The following DSCAM variants were observed in gnomAD, a reference collection of about 807,000 sequenced individuals.
The protein encoded by DSCAM is cell adhesion molecule DSCAM.
Under a neutral mutation model 217.7 loss-of-function variants are expected in DSCAM, and 47 were observed. That is an observed-to-expected ratio of 0.22 (90% confidence interval 0.17 to 0.28). The LOEUF is 0.28. Among genes scored for constraint, DSCAM ranks in the 10% least tolerant of loss-of-function variants. The pLI is 1.00. For missense variants in DSCAM, 2,080 were observed against 2,618.3 expected, an observed-to-expected ratio of 0.79 and a Z score of 4.49; for synonymous variants, 1,056 against 1,015.3, an observed-to-expected ratio of 1.04 and a Z score of -0.76.
intron 3 of DSCAM, among the ~76,000 whole-genome samples, chr21:40,684,136 A>G (rs975484469): frequency 4.6e-5 from 7 of 151,784 alleles, no homozygotes; most frequent in Admixed American, 3.3e-4. Context: ...AGGCAGGAGA[A>G]TCACTTGAAC....
intron 3 of DSCAM, among the ~76,000 whole-genome samples, chr21:40,450,834 T>C (rs1046685093): frequency 6.6e-6 from 1 of 152,226 alleles, no homozygotes. Flanking sequence ...GGAACGCATA[T>C]GTAAAATTTC....
At chr21:40,820,702 T>G (rs2091917792) in intron 1 of DSCAM, among the ~76,000 whole-genome samples, 1 of 152,150 alleles carries the variant, frequency 6.6e-6, no homozygotes, top group African/African-American at 2.4e-5. Context: ...CATAGCCATG[T>G]AAAAATTCAA....
At chr21:40,723,068 T>G (rs987905789) in intron 1 of DSCAM, among the ~76,000 whole-genome samples, 1 of 149,972 alleles carries the variant, frequency 6.7e-6, no homozygotes, top group African/African-American at 2.5e-5. Context: ...AAAGGAGAAC[T>G]GAGAGCTGGG....
At chr21:40,061,991 C>T (rs184567189) in intron 28 of DSCAM, among the ~76,000 whole-genome samples, 1 of 152,288 alleles carries the variant, frequency 6.6e-6, no homozygotes, top group Non-Finnish European at 1.5e-5. Context: ...ATATGAAAGG[C>T]CTAAAATGCA....
At chr21:40,213,725 C>T (rs1385910205) in intron 11 of DSCAM, among the ~76,000 whole-genome samples, 2 of 152,076 alleles carry the variant, frequency 1.3e-5, no homozygotes. Flanking sequence ...GGTTCCTTCT[C>T]CATGAAAATA....
chr21:40,472,758 T>G (rs2145971095), intron 3 of DSCAM, among the ~76,000 whole-genome samples: 1 of 151,978 alleles, frequency 6.6e-6, no homozygotes, highest in South Asian at 2.1e-4. Flanking sequence ...GACCTCATAC[T>G]CATTTCTCAG....
intron 27 of DSCAM, among the ~76,000 whole-genome samples, chr21:40,068,409 G>A (rs2089242200): frequency 6.6e-6 from 1 of 152,094 alleles, no homozygotes; most frequent in African/African-American, 2.4e-5. Flanking sequence ...ATGCAAGCTA[G>A]AAGGAATATG....
chr21:40,418,624 T>C, intron 3 of DSCAM, among the ~76,000 whole-genome samples: 1 of 152,162 alleles, frequency 6.6e-6, no homozygotes, highest in African/African-American at 2.4e-5. Flanking sequence ...AATTAGTGTT[T>C]TAGAAAACAT....
At chr21:40,467,259 C>A (rs1161049913) in intron 3 of DSCAM, among the ~76,000 whole-genome samples, 1 of 152,208 alleles carries the variant, frequency 6.6e-6, no homozygotes, top group Non-Finnish European at 1.5e-5. Flanking sequence ...AATTCCAGCA[C>A]ATTAACTTCT....
chr21:40,750,168 T>A (rs1397148352), intron 1 of DSCAM, among the ~76,000 whole-genome samples: 2 of 152,062 alleles, frequency 1.3e-5, no homozygotes, highest in East Asian at 3.9e-4. Context: ...CCTGAGGTGA[T>A]CCACCCATCT....
chr21:40,282,451 C>A (rs543612926), intron 10 of DSCAM, among the ~76,000 whole-genome samples: 5 of 151,214 alleles, frequency 3.3e-5, no homozygotes, highest in African/African-American at 1.2e-4. Context: ...ATTAGCCGGG[C>A]GTGGTAGCGG....
At chr21:40,098,044 A>G (rs1005588723) in intron 20 of DSCAM, among the ~76,000 whole-genome samples, 1 of 151,338 alleles carries the variant, frequency 6.6e-6, no homozygotes, top group Non-Finnish European at 1.5e-5. Context: ...AAACACAAAT[A>G]GGTTAAAAAT....
chr21:40,037,138 TCAA>T (rs1267775253), intron 32 of DSCAM, among the ~76,000 whole-genome samples: 1 of 149,640 alleles, frequency 6.7e-6, no homozygotes, highest in Non-Finnish European at 1.5e-5. Flanking sequence ...CCACTCCTAT[TCAA>T]CATAGTGTTG....
intron 3 of DSCAM, among the ~76,000 whole-genome samples, chr21:40,610,025 T>C (rs1474833573): frequency 2.0e-5 from 3 of 152,242 alleles, no homozygotes; most frequent in Non-Finnish European, 4.4e-5. Flanking sequence ...GACTATTTCT[T>C]AGGTTCACAG....
chr21:40,455,716 C>T (rs112265832), intron 3 of DSCAM, among the ~76,000 whole-genome samples: 3,315 of 151,942 alleles, frequency 0.022, 114 homozygotes, highest in African/African-American at 0.071. Context: ...TTGCAGTGAG[C>T]TGAAATCACC....
chr21:40,502,431 T>C (rs2076176852), intron 3 of DSCAM, among the ~76,000 whole-genome samples: 1 of 152,220 alleles, frequency 6.6e-6, no homozygotes, highest in Non-Finnish European at 1.5e-5. Context: ...AGGTATTATC[T>C]ATAGTTCTGT....
intron 11 of DSCAM, among the ~76,000 whole-genome samples, chr21:40,265,226 C>G: frequency 6.7e-6 from 1 of 148,488 alleles, no homozygotes; most frequent in Non-Finnish European, 1.5e-5. Context: ...AGAACTCAAC[C>G]CCTTTAATAG....
chr21:40,025,785 G>T (rs1388346734), intron 32 of DSCAM, among the ~76,000 whole-genome samples: 4 of 150,666 alleles, frequency 2.7e-5, no homozygotes, highest in African/African-American at 9.8e-5. Context: ...AGTCTTGCTA[G>T]CAGTCTATCT....
intron 3 of DSCAM, among the ~76,000 whole-genome samples, chr21:40,541,405 G>A (rs959459333): frequency 3.3e-5 from 5 of 152,060 alleles, no homozygotes; most frequent in South Asian, 2.1e-4. Flanking sequence ...TGAAACACAC[G>A]AGAATAAACA....
Sources: gnomAD v4.1 joint callset for allele counts (sites outside exome capture counted in the v4.1 genomes callset) on GRCh38, gnomAD v4.1.1 for gene constraint, MANE v1.5 for transcripts, NCBI Gene and HGNC (gene_info 2026-07-23, HGNC 2026-07-21) for gene names.